Variants in SPOCK3 observed in about 807,000 individuals in gnomAD.
SPOCK3 encodes testican-3.
A neutral mutation model predicts 56.6 loss-of-function variants in SPOCK3; 30 were observed. The observed-to-expected ratio is 0.53, with a 90% CI of 0.40 to 0.72. The LOEUF is 0.72. SPOCK3 is among the 30% of genes least tolerant of loss of function. The pLI is 0.00. For missense variants in SPOCK3, 527 were observed against 530.0 expected (o/e 0.99, Z 0.06); for synonymous variants, 196 against 183.3 (o/e 1.07, Z -0.56).
intron 2 of SPOCK3, among the ~76,000 whole-genome samples, chr4:167,085,910 G>A (rs1758153017): frequency 6.6e-6 from 1 of 151,942 alleles, no homozygotes; most frequent in African/African-American, 2.4e-5. Context: ...ATATATTATG[G>A]GTACTTAATA....
At chr4:166,815,421 G>A (rs1172500379) in intron 6 of SPOCK3, among the ~76,000 whole-genome samples, 2 of 152,022 alleles carry the variant, frequency 1.3e-5, no homozygotes, top group East Asian at 3.9e-4. Flanking sequence ...ATAAAATTCT[G>A]AATAAATTAT....
chr4:166,772,450 A>T (rs17598006), intron 7 of SPOCK3, among the ~76,000 whole-genome samples: 34 of 152,054 alleles, frequency 2.2e-4, no homozygotes, highest in South Asian at 8.3e-4. Context: ...AATTTCCAGG[A>T]GCATACAATT....
chr4:166,931,232 T>G (rs2149997047), intron 4 of SPOCK3, among the ~76,000 whole-genome samples: 1 of 151,750 alleles, frequency 6.6e-6, no homozygotes. Flanking sequence ...TCTGCCCACC[T>G]CGGCCTCTCA....
chr4:167,066,001 C>T (rs778668339), intron 2 of SPOCK3, among the ~76,000 whole-genome samples: 6 of 151,834 alleles, frequency 4.0e-5, no homozygotes, highest in Non-Finnish European at 7.4e-5. Flanking sequence ...GAGTTACAGA[C>T]ACCATTAGAA....
intron 4 of SPOCK3, among the ~76,000 whole-genome samples, chr4:166,947,414 T>G (rs958909030): frequency 1.3e-5 from 2 of 152,168 alleles, no homozygotes; most frequent in Admixed American, 1.3e-4. Flanking sequence ...GTTCATTCAT[T>G]ATAACGCTGT....
chr4:166,958,412 G>T (rs553918292), intron 4 of SPOCK3, among the ~76,000 whole-genome samples: 1 of 152,168 alleles, frequency 6.6e-6, no homozygotes, highest in African/African-American at 2.4e-5. Context: ...GCATTTCTTT[G>T]TAGCAACGTG....
chr4:166,807,020 A>C (rs540862254), intron 6 of SPOCK3, among the ~76,000 whole-genome samples: 8 of 151,964 alleles, frequency 5.3e-5, no homozygotes, highest in Non-Finnish European at 1.2e-4. Flanking sequence ...TTTGATCTTT[A>C]TCTCTCGAAA....
chr4:167,210,356 C>CA (rs1279724656), intron 2 of SPOCK3, among the ~76,000 whole-genome samples: 3 of 152,084 alleles, frequency 2.0e-5, no homozygotes, highest in Admixed American at 6.6e-5. Flanking sequence ...ATGTAATTTG[C>CA]ATGTACTTAT....
chr4:166,953,170 T>G (rs1742907719), intron 4 of SPOCK3, among the ~76,000 whole-genome samples: 1 of 151,442 alleles, frequency 6.6e-6, no homozygotes, highest in Admixed American at 6.6e-5. Context: ...GGAGAAAATT[T>G]TCGCAACCTA....
At chr4:166,783,004 T>C (rs1430492058) in intron 7 of SPOCK3, among the ~76,000 whole-genome samples, 7 of 152,200 alleles carry the variant, frequency 4.6e-5, no homozygotes, top group African/African-American at 1.7e-4. Context: ...CTGTGCATAG[T>C]ATGAGCTTAT....
intron 4 of SPOCK3, among the ~76,000 whole-genome samples, chr4:166,935,221 C>G (rs146154192): frequency 6.6e-6 from 1 of 152,256 alleles, no homozygotes; most frequent in Non-Finnish European, 1.5e-5. Context: ...CCAACTGTTT[C>G]CTGGGGTTGA....
intron 6 of SPOCK3, among the ~76,000 whole-genome samples, chr4:166,814,878 A>G (rs752062534): frequency 9.9e-5 from 15 of 151,896 alleles, no homozygotes; most frequent in Non-Finnish European, 2.1e-4. Context: ...TACAGCACCC[A>G]CTTTTCTCTA....
At chr4:166,971,470 TCTCCC>T (rs1403518856) in intron 4 of SPOCK3, among the ~76,000 whole-genome samples, 23 of 152,202 alleles carry the variant, frequency 1.5e-4, no homozygotes, top group Non-Finnish European at 2.5e-4. Flanking sequence ...CATGTCTATT[TCTCCC>T]AATTACAAGC....
rs1452455428 is a variant in SPOCK3, at chr4:166,748,940, C to T, written c.931+5568G>A. On this transcript the variant is annotated intron_variant, in intron 8 of 10. Coordinates refer to ENST00000357545, the MANE Select transcript of SPOCK3 (RefSeq NM_001040159.2). ...TGCATATCAAAACCACAATGAGATA[C>T]CATCTCACACCAGTTAGAATGGTGA... Among the ~76,000 whole-genome samples the T allele has an allele frequency of 2.2e-5, 3 of 137,528 alleles. 1 individual carries two copies. The highest frequency in any genetic ancestry group is 3.4e-3 in the Middle Eastern group (1 of 294). The allele number at this position is 137,528 out of a possible 152,430, so 90.2% of individuals were successfully genotyped here.
intron 3 of SPOCK3, among the ~76,000 whole-genome samples, chr4:167,021,407 G>GC (rs1751158327): frequency 6.6e-6 from 1 of 151,974 alleles, no homozygotes; most frequent in African/African-American, 2.4e-5. Flanking sequence ...TCTTGTGATA[G>GC]CCCACCCATC....
At chr4:166,995,046 A>T (rs1028126990) in intron 4 of SPOCK3, among the ~76,000 whole-genome samples, 1 of 152,242 alleles carries the variant, frequency 6.6e-6, no homozygotes. Flanking sequence ...TAAGTAACAT[A>T]AGACAATAAA....
chr4:167,194,572 C>T (rs1732761894), intron 2 of SPOCK3, among the ~76,000 whole-genome samples: 1 of 152,190 alleles, frequency 6.6e-6, no homozygotes, highest in Non-Finnish European at 1.5e-5. Context: ...AGTGTGCAGA[C>T]TAGTTTCAGC....
intron 6 of SPOCK3, among the ~76,000 whole-genome samples, chr4:166,811,836 T>C (rs1473502225): frequency 6.6e-6 from 1 of 151,920 alleles, no homozygotes; most frequent in East Asian, 1.9e-4. Flanking sequence ...AAGAAGCTTT[T>C]AGTATTTTTT....
At chr4:166,967,232 G>A (rs1458632978) in intron 4 of SPOCK3, among the ~76,000 whole-genome samples, 1 of 152,092 alleles carries the variant, frequency 6.6e-6, no homozygotes. Context: ...TAGTTGTCTG[G>A]CACCCGCCTA....
Sources: gnomAD v4.1 joint callset for allele counts (sites outside exome capture counted in the v4.1 genomes callset) on GRCh38, gnomAD v4.1.1 for gene constraint, MANE v1.5 for transcripts, NCBI Gene and HGNC (gene_info 2026-07-23, HGNC 2026-07-21) for gene names.